GTF2H3: variants seen among roughly 807,000 people sequenced by gnomAD.
GTF2H3 encodes the protein general transcription factor IIH subunit 3, also known as TFIIH basal transcription factor complex p34 subunit.
Under a neutral mutation model 51.1 loss-of-function variants are expected in GTF2H3, and 42 were observed. The observed-to-expected ratio is 0.82, with a 90% confidence interval of 0.64 to 1.06. The LOEUF (loss-of-function observed/expected upper bound fraction) is 1.06. Among genes scored for constraint, GTF2H3 ranks in the 50% least tolerant of loss-of-function variants. The pLI is 0.00. For synonymous variants in GTF2H3, 123 were observed against 123.8 expected (o/e 0.99, Z 0.04); for missense variants, 326 against 366.1 (o/e 0.89, Z 0.89).
At position 123,659,574 on chromosome 12, in the gene GTF2H3, A is replaced by C; in HGVS notation, c.674A>C (p.Gln225Pro). Reference protein sequence around the residue: ...LKVPQMPSLLQYLLWVFLPDQ... With the variant: ...LKVPQMPSLLPYLLWVFLPDQ... Reference sequence around the variant, plus strand: ...GTGCCTCAGATGCCTTCTCTTCTGCAGTATTTGCTGGTAAGGAGACAGCAG... The same window carrying C: ...GTGCCTCAGATGCCTTCTCTTCTGCCGTATTTGCTGGTAAGGAGACAGCAG... The change falls in exon 10 of 13, where the codon CAG (glutamine) becomes CCG (proline). Residue 225 changes from glutamine (Q) to proline (P), a missense_variant. Physicochemically the swap from Gln to Pro is moderately conservative, Grantham distance 76 (BLOSUM62 -1). Coordinates refer to ENST00000543341, the MANE Select transcript of GTF2H3 (RefSeq NM_001516.5). The C allele has an allele frequency of 5.6e-6, 9 of 1,613,946 alleles. No homozygotes were observed. The highest frequency in any genetic ancestry group is 7.6e-6 in the Non-Finnish European group (9 of 1,179,902).
rs1310033926 is a variant in GTF2H3, at chr12:123,662,371, C to T, written c.*2136C>T. On this transcript the variant is annotated 3_prime_UTR_variant, in exon 13 of 13. Coordinates refer to ENST00000543341, the MANE Select transcript of GTF2H3 (RefSeq NM_001516.5). ...ATTTGTTAATCCTTGAGTTTGAGAA[C>T]CTGTCTTTTAAAAATAATATTTTGT... 1 of 151,926 alleles carries T rather than the reference C, an allele frequency of 6.6e-6. No homozygotes were observed. The highest frequency in any genetic ancestry group is 1.5e-5 in the Non-Finnish European group (1 of 67,998). The allele number at this position is 151,926 out of a possible 1,614,324, so 9.4% of individuals were successfully genotyped here.
At chr12:123,654,641 G>A (rs1955563133) in intron 7 of GTF2H3, among the ~76,000 whole-genome samples, 1 of 151,722 alleles carries the variant, frequency 6.6e-6, no homozygotes, top group Non-Finnish European at 1.5e-5. Context: ...GGGTATATGT[G>A]CGTATGTGTT....
chr12:123,639,954 C>T (rs1428736962), intron 2 of GTF2H3: 2 of 455,792 alleles, frequency 4.4e-6, no homozygotes, highest in Admixed American at 2.4e-5. Context: ...GTGTGTCCAT[C>T]AGCACCACCA....
intron 2 of GTF2H3, among the ~76,000 whole-genome samples, chr12:123,642,000 CGT>C (rs1421274225): frequency 1.8e-4 from 26 of 140,638 alleles, no homozygotes; most frequent in Middle Eastern, 4.6e-3. Flanking sequence ...ATCACAGGCG[CGT>C]GCCACCATAC....
At chr12:123,652,680 T>C (rs754165334) in intron 6 of GTF2H3, 27 bp from the exon 7 acceptor site, 1 of 1,542,832 alleles carries the variant, frequency 6.5e-7, no homozygotes, top group African/African-American at 1.4e-5. Flanking sequence ...TTTAGTTAAA[T>C]TTTTTTCTGC....
At chr12:123,658,958 T>A (rs1490266983) in intron 9 of GTF2H3, among the ~76,000 whole-genome samples, 1 of 152,202 alleles carries the variant, frequency 6.6e-6, no homozygotes, top group East Asian at 1.9e-4. Flanking sequence ...AAAAGATGCT[T>A]AATATCATTA....
intron 4 of GTF2H3, among the ~76,000 whole-genome samples, chr12:123,648,715 T>C (rs1248777638): frequency 6.6e-6 from 1 of 152,234 alleles, no homozygotes; most frequent in Non-Finnish European, 1.5e-5. Flanking sequence ...CTTTCATTTT[T>C]AACTCCTGCT....
intron 3 of GTF2H3, among the ~76,000 whole-genome samples, chr12:123,647,693 T>C (rs1327969199): frequency 6.6e-6 from 1 of 152,236 alleles, no homozygotes; most frequent in Non-Finnish European, 1.5e-5. Context: ...CCCCACACTT[T>C]TCAGAAAACA....
At chr12:123,654,514 AT>A (rs1337411576) in intron 7 of GTF2H3, among the ~76,000 whole-genome samples, 4 of 137,938 alleles carry the variant, frequency 2.9e-5, no homozygotes, top group African/African-American at 1.1e-4. Flanking sequence ...GTATGGGTGT[AT>A]TTTGGGTGTG....
intron 5 of GTF2H3, among the ~76,000 whole-genome samples, chr12:123,651,819 CAAA>C (rs993644383): frequency 5.3e-5 from 5 of 93,936 alleles, no homozygotes; most frequent in Non-Finnish European, 6.5e-5. Flanking sequence ...GACTACATCT[CAAA>C]AAAAAAAAAA....
chr12:123,652,062 T>C (rs1461924746), intron 5 of GTF2H3, among the ~76,000 whole-genome samples: 1 of 152,224 alleles, frequency 6.6e-6, no homozygotes, highest in Non-Finnish European at 1.5e-5. Context: ...GAGTGGCTCC[T>C]TCTCCATAGG....
chr12:123,648,207 G>A, intron 4 of GTF2H3, 81 bp downstream of exon 4: 2 of 911,066 alleles, frequency 2.2e-6, no homozygotes, highest in Non-Finnish European at 3.4e-6. Context: ...AAGATGTGAG[G>A]TTCTTTATGT....
At chr12:123,646,636 G>C (rs558322407) in intron 3 of GTF2H3, among the ~76,000 whole-genome samples, 1 of 152,256 alleles carries the variant, frequency 6.6e-6, no homozygotes, top group East Asian at 1.9e-4. Flanking sequence ...GTAGCTGTCA[G>C]ATTTTCTTGG....
chr12:123,655,701 A>T, intron 8 of GTF2H3, 70 bp from the exon 9 acceptor site: 1 of 878,476 alleles, frequency 1.1e-6, no homozygotes, highest in Admixed American at 1.8e-5. Context: ...TATGGCATGT[A>T]GTAGGTTCTC....
At chr12:123,651,545 C>T (rs1389690449) in intron 5 of GTF2H3, among the ~76,000 whole-genome samples, 1 of 151,058 alleles carries the variant, frequency 6.6e-6, no homozygotes, top group African/African-American at 2.4e-5. Context: ...AAAGGCCGGG[C>T]GTGGTGGCTC....
chr12:123,645,740 CTTA>C (rs1156574443), intron 3 of GTF2H3, among the ~76,000 whole-genome samples, 179 bp downstream of exon 3: 1 of 152,078 alleles, frequency 6.6e-6, no homozygotes, highest in Non-Finnish European at 1.5e-5. Context: ...ATTTGCAAAC[CTTA>C]TTATTAGTAG....
At chr12:123,657,419 A>C (rs1300528629) in intron 9 of GTF2H3, among the ~76,000 whole-genome samples, 1 of 152,138 alleles carries the variant, frequency 6.6e-6, no homozygotes, top group Non-Finnish European at 1.5e-5. Context: ...ATTGCCTGAA[A>C]CAGGCCTGCT....
At chr12:123,645,004 G>C (rs1330507258) in intron 2 of GTF2H3, among the ~76,000 whole-genome samples, 2 of 152,160 alleles carry the variant, frequency 1.3e-5, no homozygotes, top group East Asian at 3.9e-4. Context: ...TTTGTTTATG[G>C]CTTTGGAGGA....
chr12:123,635,665 G>C (rs11572921), intron 1 of GTF2H3, among the ~76,000 whole-genome samples: 2 of 149,966 alleles, frequency 1.3e-5, no homozygotes, highest in Non-Finnish European at 3.0e-5. Context: ...TTCCTGCCTC[G>C]ACCTCCCAAA....
Sources: gnomAD v4.1 joint callset for allele counts (sites outside exome capture counted in the v4.1 genomes callset) on GRCh38, gnomAD v4.1.1 for gene constraint, MANE v1.5 for transcripts, NCBI Gene and HGNC (gene_info 2026-07-23, HGNC 2026-07-21) for gene names.